The following PITPNC1 variants were observed in gnomAD, a reference collection of about 807,000 sequenced individuals.
The protein encoded by PITPNC1 is cytoplasmic phosphatidylinositol transfer protein 1.
Under a neutral mutation model 44.7 loss-of-function variants are expected in PITPNC1, and 18 were observed. That is an observed-to-expected ratio of 0.40 (90% CI 0.28 to 0.60). PITPNC1 has a LOEUF of 0.60. Ranked by LOEUF, PITPNC1 falls within the 20% of genes least tolerant of loss-of-function variation. The pLI is 0.39. For missense variants in PITPNC1, 290 were observed against 418.4 expected (o/e 0.69, Z 2.68); for synonymous variants, 141 against 149.6 (o/e 0.94, Z 0.42).
At chr17:67,560,544 TA>T (rs1442252445) in intron 4 of PITPNC1, among the ~76,000 whole-genome samples, 14 of 152,218 alleles carry the variant, frequency 9.2e-5, no homozygotes, top group Admixed American at 1.3e-4. Context: ...TGTTTCCATT[TA>T]GAAAATGAAC....
At chr17:67,575,777 C>CTTTT (rs1568047640) in intron 4 of PITPNC1, among the ~76,000 whole-genome samples, 1 of 21,462 alleles carries the variant, frequency 4.7e-5, no homozygotes, top group African/African-American at 1.1e-4. Context: ...TTCTTTCTTT[C>CTTTT]TTTCTTTTCT....
At chr17:67,564,012 GTAGA>G (rs71139157) in intron 4 of PITPNC1, among the ~76,000 whole-genome samples, 7,899 of 152,190 alleles carry the variant, frequency 0.052, 242 homozygotes, top group African/African-American at 0.09. Context: ...GCTAGATTAA[GTAGA>G]TAGATAGATG....
intron 1 of PITPNC1, among the ~76,000 whole-genome samples, chr17:67,473,701 T>C (rs36124834): frequency 0.059 from 8,969 of 152,186 alleles, 316 homozygotes; most frequent in Middle Eastern, 0.11. Context: ...GCCTCAGCCT[T>C]CAGAGTAGCA....
chr17:67,521,778 G>A (rs974299703), intron 1 of PITPNC1, among the ~76,000 whole-genome samples: 1 of 152,194 alleles, frequency 6.6e-6, no homozygotes, highest in Non-Finnish European at 1.5e-5. Flanking sequence ...CTCTCGGGCA[G>A]AACTTCGGGA....
At chr17:67,626,143 G>C (rs555255336) in intron 5 of PITPNC1, among the ~76,000 whole-genome samples, 1 of 151,226 alleles carries the variant, frequency 6.6e-6, no homozygotes, top group Non-Finnish European at 1.5e-5. Flanking sequence ...ACATCACCAC[G>C]CCCAACTAAT....
At position 67,597,845 on chromosome 17, in the gene PITPNC1, G is replaced by C. The variant is rs1019851250; in HGVS notation, c.366+19588G>C. ...GACAGGCAAGATCGTGATGCAGGGA[G>C]AGACTGGTAGAGAACACAGGAGATT... On this transcript the variant is annotated intron_variant, in intron 5 of 8. Transcript: ENST00000581322. This position sits in a 1 kb window ranked among gnomAD's most constrained non-coding sequence, Gnocchi z 4.0. Among the ~76,000 whole-genome samples the C allele has an allele frequency of 3.3e-5, 5 of 152,200 alleles. No individual in the cohort carries two copies. The highest frequency in any genetic ancestry group is 3.3e-4 in the Admixed American group (5 of 15,280).
At chr17:67,441,279 C>G (rs189716594) in intron 1 of PITPNC1, among the ~76,000 whole-genome samples, 9 of 148,414 alleles carry the variant, frequency 6.1e-5, no homozygotes, top group East Asian at 2.0e-4. Flanking sequence ...TTTATTAAGC[C>G]CCCCCCCGCC....
intron 6 of PITPNC1, among the ~76,000 whole-genome samples, chr17:67,668,948 G>T (rs1206879213): frequency 6.6e-6 from 1 of 152,162 alleles, no homozygotes; most frequent in Admixed American, 6.5e-5. Flanking sequence ...CAATTCAGTG[G>T]TTTTTCGCAT....
At chr17:67,471,464 G>T (rs758702623) in intron 1 of PITPNC1, 14 of 357,200 alleles carry the variant, frequency 3.9e-5, no homozygotes, top group South Asian at 2.0e-4. Flanking sequence ...TCATTTGAGA[G>T]ATTTTTTTCC....
At chr17:67,683,996 AAAG>A (rs1013459873) in intron 8 of PITPNC1, among the ~76,000 whole-genome samples, 3 of 151,816 alleles carry the variant, frequency 2.0e-5, no homozygotes, top group Non-Finnish European at 2.9e-5. Context: ...AAAAAAAAGA[AAAG>A]AAAAGAAACA....
chr17:67,387,299 G>C (rs1442762496), intron 1 of PITPNC1, among the ~76,000 whole-genome samples: 1 of 152,092 alleles, frequency 6.6e-6, no homozygotes, highest in African/African-American at 2.4e-5. Context: ...CAAACTCATG[G>C]GTTTACAAGT....
At position 67,557,218 on chromosome 17, in the gene PITPNC1, GGT is replaced by G. The variant is rs1212087259; in HGVS notation, c.294+3602_294+3603del. On this transcript the variant is annotated intron_variant, in intron 4 of 8. Transcript: ENST00000581322. ...ATGGCAGAGACAGAGCAAGTTCTCT[GGT>G]CTCATCTTTGAAGGGCACTAATCCC... 2.2e-3 allele frequency among the ~76,000 whole-genome samples: 331 copies of G among 152,198 alleles called. 2 individuals carry two copies. Among genetic ancestry groups the G allele is most frequent in the African/African-American group, 7.7e-3 (320 of 41,526 alleles).
chr17:67,568,436 A>T (rs1320979712), intron 4 of PITPNC1, among the ~76,000 whole-genome samples: 1 of 152,236 alleles, frequency 6.6e-6, no homozygotes, highest in African/African-American at 2.4e-5. Context: ...TAATGGTTGT[A>T]TAACTCTGAA....
chr17:67,595,410 A>G (rs559405997), intron 5 of PITPNC1, among the ~76,000 whole-genome samples: 24 of 151,854 alleles, frequency 1.6e-4, no homozygotes, highest in Admixed American at 1.1e-3. Flanking sequence ...GATGCCATCT[A>G]TCTGATACAC....
At chr17:67,475,250 G>A (rs952617040) in intron 1 of PITPNC1, among the ~76,000 whole-genome samples, 11 of 152,200 alleles carry the variant, frequency 7.2e-5, no homozygotes, top group African/African-American at 2.7e-4. Context: ...TGTGTGGGCC[G>A]TGGGAAGCAA....
At chr17:67,425,789 A>G (rs1452544247) in intron 1 of PITPNC1, among the ~76,000 whole-genome samples, 1 of 152,110 alleles carries the variant, frequency 6.6e-6, no homozygotes, top group Non-Finnish European at 1.5e-5. Flanking sequence ...TCAGCCTCCC[A>G]GAGTGCTGGG....
At chr17:67,632,560 A>C in intron 6 of PITPNC1, 1 of 248,696 alleles carries the variant, frequency 4.0e-6, no homozygotes, top group Non-Finnish European at 7.4e-6. Context: ...CTCCCCAATT[A>C]CATGCGCTCT....
intron 4 of PITPNC1, among the ~76,000 whole-genome samples, chr17:67,554,351 G>A (rs903879281): frequency 3.4e-5 from 5 of 146,286 alleles, no homozygotes; most frequent in Admixed American, 7.1e-5. Context: ...TTCACCTACC[G>A]GGTTCAAGCA....
rs556219393 is a variant in PITPNC1 at position 67,380,804 on chromosome 17, C to T, written c.48+2602C>T. On this transcript the variant is annotated intron_variant, in intron 1 of 8. Coordinates refer to ENST00000581322, the MANE Select transcript of PITPNC1 (RefSeq NM_012417.4). ...TTTTTTTCTTTTTGAGACACGGTCTCGCTCTGTCATCCAGGCTGGAGTGCA... is the reference window on the plus strand; with the variant it reads ...TTTTTTTCTTTTTGAGACACGGTCTTGCTCTGTCATCCAGGCTGGAGTGCA... 7.2e-5 allele frequency among the ~76,000 whole-genome samples: 11 copies of T among 152,012 alleles called. No individual in the cohort carries two copies. The South Asian group carries it at 1.9e-3, about 26-fold the overall frequency.
Sources: allele counts gnomAD v4.1 joint callset (sites outside exome capture counted in the v4.1 genomes callset), GRCh38; gene constraint gnomAD v4.1.1; non-coding constraint Gnocchi (gnomAD v3.1); transcripts MANE v1.5; gene names NCBI Gene and HGNC (gene_info 2026-07-23, HGNC 2026-07-21).